Variants in ANO10 observed in about 807,000 individuals in gnomAD.
ANO10 encodes anoctamin 10, also known as anoctamin-10.
Under a neutral mutation model 74.7 loss-of-function variants are expected in ANO10, and 77 were observed. The ratio of observed to expected loss-of-function variants is 1.03; its 90% CI spans 0.86 to 1.25. The LOEUF (loss-of-function observed/expected upper bound fraction) is 1.25, where lower values mean the gene tolerates loss of function less well. Ranked by LOEUF, ANO10 falls within the 50% of genes most tolerant of loss-of-function variation. The pLI, the probability that ANO10 is intolerant of heterozygous loss-of-function variation, is 0.00. For missense variants in ANO10, 721 were observed against 778.1 expected, an observed-to-expected ratio of 0.93 and a Z score of 0.87; for synonymous variants, 279 against 284.9, an observed-to-expected ratio of 0.98 and a Z score of 0.21.
In ANO10 at chr3:43,486,321, T is replaced by C. The variant is rs540582021; in HGVS notation, c.1798-53594A>G. Among the ~76,000 whole-genome samples, 9 of 152,286 alleles carry C rather than the reference T, an allele frequency of 5.9e-5. No homozygotes were observed. The East Asian group carries it at 1.5e-3, about 26-fold the overall frequency. ...TTTTGGTTCCATATGAACTTTAAAGTAGTTTTTTCCAATTCTGTGAAGAAA... is the reference window on the plus strand; with the variant it reads ...TTTTGGTTCCATATGAACTTTAAAGCAGTTTTTTCCAATTCTGTGAAGAAA... On this transcript the variant is annotated intron_variant, in intron 11 of 12. Coordinates refer to ENST00000292246, the MANE Select transcript of ANO10 (RefSeq NM_018075.5).
intron 11 of ANO10, among the ~76,000 whole-genome samples, chr3:43,494,930 A>G (rs886871480): frequency 3.3e-5 from 5 of 151,166 alleles, no homozygotes; most frequent in Non-Finnish European, 5.9e-5. Flanking sequence ...AAGTTTATAT[A>G]AAAAAAATAA....
intron 11 of ANO10, among the ~76,000 whole-genome samples, chr3:43,469,447 A>G (rs1404799169): frequency 2.6e-5 from 4 of 152,238 alleles, no homozygotes; most frequent in Admixed American, 6.5e-5. Flanking sequence ...TTGAAGGCAC[A>G]TGACCTGTCA....
chr3:43,455,138 G>A (rs1287184493), intron 11 of ANO10, among the ~76,000 whole-genome samples: 4 of 151,990 alleles, frequency 2.6e-5, no homozygotes, highest in African/African-American at 7.2e-5. Context: ...CATGTAGTGC[G>A]CCCATTTTCT....
chr3:43,591,778 C>G (rs982053348), intron 4 of ANO10, among the ~76,000 whole-genome samples: 9 of 152,136 alleles, frequency 5.9e-5, no homozygotes, highest in Admixed American at 3.9e-4. Flanking sequence ...AGCGCACGGA[C>G]AGAGCCGAAG....
At chr3:43,645,993 A>G (rs2083722647) in intron 1 of ANO10, among the ~76,000 whole-genome samples, 1 of 151,868 alleles carries the variant, frequency 6.6e-6, no homozygotes, top group Admixed American at 6.6e-5. Flanking sequence ...ATTTTTGGTA[A>G]AAAGGGGTTT....
chr3:43,411,101 T>C (rs1239302229), intron 12 of ANO10, among the ~76,000 whole-genome samples: 1 of 152,150 alleles, frequency 6.6e-6, no homozygotes, highest in Non-Finnish European at 1.5e-5. Context: ...CCTCCATAAT[T>C]ATGTCTACAG....
intron 1 of ANO10, among the ~76,000 whole-genome samples, chr3:43,661,200 A>G (rs980596085): frequency 6.6e-6 from 1 of 152,232 alleles, no homozygotes; most frequent in Non-Finnish European, 1.5e-5. Context: ...GACTAACAGC[A>G]GATCTCTCTG....
chr3:43,595,862 C>G (rs1189210020), intron 4 of ANO10, among the ~76,000 whole-genome samples: 1 of 152,016 alleles, frequency 6.6e-6, no homozygotes, highest in Non-Finnish European at 1.5e-5. Flanking sequence ...TTTAGAAAAC[C>G]CCATCGTCTC....
chr3:43,625,591 A>AT (rs2149556287), upstream of ANO10, among the ~76,000 whole-genome samples: 1 of 152,206 alleles, frequency 6.6e-6, no homozygotes, highest in Admixed American at 6.5e-5. Flanking sequence ...TTTAAGTCGT[A>AT]TTTTTCTTAT....
At chr3:43,461,007 G>A (rs2075354403) in intron 11 of ANO10, among the ~76,000 whole-genome samples, 2 of 149,448 alleles carry the variant, frequency 1.3e-5, no homozygotes. Flanking sequence ...AAAAAAAACA[G>A]GAAAAAATGA....
At chr3:43,444,211 G>A (rs927860855) in intron 11 of ANO10, among the ~76,000 whole-genome samples, 1 of 152,150 alleles carries the variant, frequency 6.6e-6, no homozygotes, top group Admixed American at 6.5e-5. Flanking sequence ...GGGTGAGAAA[G>A]CTGGCTTTCA....
At chr3:43,479,125 T>C (rs2149080362) in intron 11 of ANO10, among the ~76,000 whole-genome samples, 1 of 152,292 alleles carries the variant, frequency 6.6e-6, no homozygotes, top group South Asian at 2.1e-4. Flanking sequence ...CAAGGTTCCC[T>C]GATCCTTTTG....
chr3:43,384,642 C>T (rs946119361), intron 12 of ANO10, among the ~76,000 whole-genome samples: 1 of 152,114 alleles, frequency 6.6e-6, no homozygotes, highest in Non-Finnish European at 1.5e-5. Flanking sequence ...AACTGATTTT[C>T]GACAAAGCAA....
intron 12 of ANO10, among the ~76,000 whole-genome samples, chr3:43,429,992 T>C (rs1219732349): frequency 6.6e-6 from 1 of 152,188 alleles, no homozygotes; most frequent in African/African-American, 2.4e-5. Context: ...CTGTCAGTTA[T>C]ATATAAAAGA....
intron 8 of ANO10, among the ~76,000 whole-genome samples, chr3:43,561,656 A>G (rs1339190099): frequency 1.3e-5 from 2 of 152,214 alleles, no homozygotes; most frequent in African/African-American, 4.8e-5. Flanking sequence ...AAATAAGATT[A>G]TAATACAAAT....
chr3:43,566,912 G>C (rs2080386950), intron 7 of ANO10, among the ~76,000 whole-genome samples: 1 of 152,082 alleles, frequency 6.6e-6, no homozygotes, highest in Non-Finnish European at 1.5e-5. Flanking sequence ...TCAAACCAAA[G>C]GCAAAGAAGT....
intron 11 of ANO10, among the ~76,000 whole-genome samples, chr3:43,448,894 CAG>C (rs1465582222): frequency 7.7e-6 from 1 of 129,166 alleles, no homozygotes; most frequent in African/African-American, 2.8e-5. Context: ...TTTTTGGAGA[CAG>C]AGTCTTGTTC....
intron 1 of ANO10, among the ~76,000 whole-genome samples, chr3:43,612,821 A>C (rs769005722): frequency 2.6e-5 from 4 of 152,040 alleles, no homozygotes; most frequent in Non-Finnish European, 5.9e-5. Context: ...CCTCTAACAG[A>C]GCTTAGGTTT....
Position 43,577,135 on chromosome 3 carries a change from T to A in ANO10, c.719A>T (p.Tyr240Phe). 1 of 1,614,170 alleles carries A rather than the reference T, an allele frequency of 6.2e-7. No homozygotes were observed. The highest frequency in any genetic ancestry group is 8.5e-7 in the Non-Finnish European group (1 of 1,180,018). ...CGAGGCAAAGATCACGTACTTGTCA[T>A]AGTCTTCCCACACAAACAAGTAGTA... The part of the protein sequence containing the change: ...LPYYLFVWED[Y>F]DKYVIFASFN... Residue 240 changes from tyrosine (Y) to phenylalanine (F), a missense_variant, in exon 6 of 13, where the codon TAT (tyrosine) becomes TTT (phenylalanine). By Grantham distance (22) the Tyr-to-Phe change is conservative. Transcript: ENST00000292246.
Sources: allele counts gnomAD v4.1 joint callset (sites outside exome capture counted in the v4.1 genomes callset), GRCh38; gene constraint gnomAD v4.1.1; transcripts MANE v1.5; gene names NCBI Gene and HGNC (gene_info 2026-07-23, HGNC 2026-07-21).